Variants in MYO1C observed in about 807,000 individuals in gnomAD.
MYO1C encodes the protein unconventional myosin-Ic.
MYO1C carries 104 observed loss-of-function variants against 150.8 expected under a neutral mutation model. The observed-to-expected ratio is 0.69, with a 90% CI of 0.59 to 0.81. The LOEUF (loss-of-function observed/expected upper bound fraction) is 0.81. Among genes scored for constraint, MYO1C ranks in the 30% least tolerant of loss-of-function variants. MYO1C has a pLI of 0.00. For missense variants in MYO1C, 1,504 were observed against 1,435.0 expected, an observed-to-expected ratio of 1.05 and a Z score of -0.78; for synonymous variants, 663 against 579.9, an observed-to-expected ratio of 1.14 and a Z score of -2.06.
intron 14 of MYO1C, among the ~76,000 whole-genome samples, chr17:1,476,987 T>C (rs527930422): frequency 2.0e-5 from 3 of 151,640 alleles, no homozygotes; most frequent in Non-Finnish European, 4.4e-5. Flanking sequence ...TATAGGCACC[T>C]GCCACCACAC....
intron 14 of MYO1C, among the ~76,000 whole-genome samples, chr17:1,477,132 C>G (rs568934100): frequency 6.6e-6 from 1 of 152,194 alleles, no homozygotes; most frequent in Non-Finnish European, 1.5e-5. Flanking sequence ...AGCCACTGCA[C>G]CTGGCCTTCT....
Position 1,484,226 on chromosome 17 carries a change from G to A in MYO1C, c.153C>T (p.Phe51=), listed in dbSNP as rs545362091. The change falls in exon 2 of 32, where the codon TTC becomes TTT. Residue 51 remains phenylalanine (F), a synonymous_variant. Transcript: ENST00000648651. ...TARDRVGVQD[F]VLLENFTSEA... is the part of the protein sequence containing the mutation. ...CGCTGGTGAAGTTCTCCAGCAGCAC[G>A]AAATCCTGCACCCCCACCCGGTCAC... is the stretch of plus-strand genomic sequence containing the variant. The A allele has an allele frequency of 2.5e-5, 41 of 1,612,906 alleles. 1 individual carries two copies. In the South Asian group the frequency reaches 3.5e-4, roughly 14 times the overall value.
At position 1,465,108 on chromosome 17, in the gene MYO1C, A is replaced by G. The variant is rs569698386; in HGVS notation, c.*618T>C. 1 of 152,526 alleles carries G rather than the reference A, an allele frequency of 6.6e-6. No homozygotes were observed. The highest frequency in any genetic ancestry group is 1.5e-5 in the Non-Finnish European group (1 of 68,078). 9.4% of individuals were successfully genotyped at this position (152,526 alleles called of 1,614,324 possible). ...GTTACAGGCGTGAGCCACCATGCCC[A>G]GCCTAAAAGGACATTCTTAAGGCAG... is the stretch of plus-strand genomic sequence containing the variant. On this transcript the variant is annotated 3_prime_UTR_variant, in exon 32 of 32. Coordinates refer to ENST00000648651, the MANE Select transcript of MYO1C (RefSeq NM_001080779.2).
intron 1 of MYO1C, among the ~76,000 whole-genome samples, chr17:1,490,035 C>CAAAA (rs368349826): frequency 9.6e-6 from 1 of 104,530 alleles, no homozygotes; most frequent in African/African-American, 3.6e-5. Flanking sequence ...GACACTGTCT[C>CAAAA]AAAAAAAAAA....
chr17:1,478,217 A>G lies in MYO1C; in HGVS notation c.1296-25T>C. On this transcript the variant is annotated intron_variant, in intron 11 of 31. Transcript: ENST00000648651. The surrounding 1 kb of genome is among the most constrained non-coding windows in gnomAD (Gnocchi z 6.3). ...GCTGTAAGGAAGGAGAAGAGCCCAC[A>G]GTGGCTCAGTGGGGACACAGGACCA... The G allele has an allele frequency of 1.2e-6, 2 of 1,605,730 alleles. No homozygotes were observed. The highest frequency in any genetic ancestry group is 8.5e-7 in the Non-Finnish European group (1 of 1,173,174).
intron 14 of MYO1C, among the ~76,000 whole-genome samples, chr17:1,475,552 A>G (rs1189951101): frequency 6.6e-6 from 1 of 152,218 alleles, no homozygotes; most frequent in Non-Finnish European, 1.5e-5. Flanking sequence ...CCTGACGGCC[A>G]GGGTACGCTG....
chr17:1,491,482 T>G, intron 1 of MYO1C: 4 of 261,928 alleles, frequency 1.5e-5, no homozygotes, highest in Non-Finnish European at 2.3e-5. Context: ...GCGGCCGTTC[T>G]TCGGCCCCAG....
rs552357788 is a variant in MYO1C at position 1,480,493 on chromosome 17, A to T, written c.906+34T>A. 3.0e-5 allele frequency: 46 copies of T among 1,540,428 alleles called. 1 individual carries two copies. In the African/African-American group the frequency reaches 6.0e-4, roughly 20 times the overall value. ...AAAAAGGAGATTTTGGGGGTGTGAC[A>T]GGAGGAAAGCGAGGGTCCCGGAAGA... is the stretch of plus-strand genomic sequence containing the variant. On this transcript the variant is annotated intron_variant, in intron 7 of 31. Transcript: ENST00000648651.
Position 1,468,061 on chromosome 17 carries a change from C to T in MYO1C, c.2823G>A (p.Leu941=). Residue 941 remains leucine, a synonymous_variant, in exon 28 of 32, where the codon CTG becomes CTA. Coordinates refer to ENST00000648651, the MANE Select transcript of MYO1C (RefSeq NM_001080779.2). The stretch of plus-strand genomic sequence containing the variant: ...CGATGACGACGGCGTTGGGCGTGAG[C>T]AGCAGCTGCCGGGAGCGAGGCTTGT... ...KGYKPRSRQL[L]LTPNAVVIVE... The T allele has an allele frequency of 6.2e-7, 1 of 1,613,406 alleles. No homozygotes were observed. Among genetic ancestry groups the T allele is most frequent in the Non-Finnish European group, 8.5e-7 (1 of 1,179,960 alleles).
At chr17:1,486,604 C>T (rs1484055087) in intron 1 of MYO1C, among the ~76,000 whole-genome samples, 3 of 152,050 alleles carry the variant, frequency 2.0e-5, no homozygotes, top group African/African-American at 4.8e-5. Flanking sequence ...CAACCTCTGC[C>T]TCCCGGGTTC....
At chr17:1,468,890 C>T (rs1054714595) in intron 25 of MYO1C, 4 of 346,048 alleles carry the variant, frequency 1.2e-5, no homozygotes, top group African/African-American at 8.5e-5. Context: ...CACGGCACAT[C>T]AACCAATGCC....
intron 24 of MYO1C, 75 bp from the exon 25 acceptor site, chr17:1,469,689 T>G (rs2074258566): frequency 8.2e-7 from 1 of 1,212,860 alleles, no homozygotes; most frequent in Non-Finnish European, 1.2e-6. Flanking sequence ...CATATGCTAC[T>G]GCATCCTTTG....
rs8079811 is a variant in MYO1C, at chr17:1,468,179, C to G, written c.2761-56G>C. On this transcript the variant is annotated intron_variant, in intron 27 of 31. Coordinates refer to ENST00000648651, the MANE Select transcript of MYO1C (RefSeq NM_001080779.2). ...GGGAGAGGCTCCCAAGGCTCCGCCC[C>G]TGCCCTGACCTGCCTTCAGCTCTCA... 1,045,677 of 1,610,052 alleles carry G rather than the reference C, an allele frequency of 0.65. 342,592 individuals are homozygous for G. Among genetic ancestry groups the G allele is most frequent in the African/African-American group, 0.82 (61,737 of 74,952 alleles).
At chr17:1,482,385 C>G (rs1192503417) in intron 5 of MYO1C, 93 bp downstream of exon 5, 4 of 1,145,206 alleles carry the variant, frequency 3.5e-6, no homozygotes, top group Non-Finnish European at 5.3e-6. Context: ...GCTGGAATTG[C>G]AGCACCTGGA....
chr17:1,489,257 T>A (rs1210421786), intron 1 of MYO1C, among the ~76,000 whole-genome samples: 2 of 152,182 alleles, frequency 1.3e-5, no homozygotes, highest in Non-Finnish European at 2.9e-5. Context: ...GGGGAGGAGA[T>A]AGTGGCGACT....
At chr17:1,488,549 A>G (rs2074694549) in intron 1 of MYO1C, among the ~76,000 whole-genome samples, 1 of 152,170 alleles carries the variant, frequency 6.6e-6, no homozygotes, top group African/African-American at 2.4e-5. Context: ...ATGCAGAAGA[A>G]CTTGAGGCTG....
Position 1,471,888 on chromosome 17 carries a change from G to C in MYO1C, c.2021+19C>G. The C allele has an allele frequency of 6.2e-7, 1 of 1,612,080 alleles. No homozygotes were observed. Among genetic ancestry groups the C allele is most frequent in the South Asian group, 1.1e-5 (1 of 91,008 alleles). ...CCTCCCGCTCCCCTTCCCTGGCACC[G>C]AGCAGGACCTGCCCCCACCTTTGCA... On this transcript the variant is annotated intron_variant, in intron 19 of 31. Coordinates refer to ENST00000648651, the MANE Select transcript of MYO1C (RefSeq NM_001080779.2).
Position 1,471,999 on chromosome 17 carries a change from G to GCGGATCAGCACCT in MYO1C, c.1916_1928dup (p.His644GlyfsTer203). 6.2e-7 allele frequency: 1 copy of GCGGATCAGCACCT among 1,614,074 alleles called. No homozygotes were observed. The highest frequency in any genetic ancestry group is 1.3e-5 in the African/African-American group (1 of 75,064). ...ACAGCCCCAGGTACTTCACCTGGTG[G>GCGGATCAGCACCT]CGGATCAGCACCTCGTCAAAGCGGC... On this transcript the variant is annotated frameshift_variant, in exon 19 of 32. Coordinates refer to ENST00000648651, the MANE Select transcript of MYO1C (RefSeq NM_001080779.2). LOFTEE classifies it high-confidence loss of function.
In MYO1C at chr17:1,484,161, T is replaced by C. The variant is rs1349539255; in HGVS notation, c.218A>G (p.Glu73Gly). 1.2e-6 allele frequency: 2 copies of C among 1,612,906 alleles called. No individual in the cohort carries two copies. Among genetic ancestry groups the C allele is most frequent in the South Asian group, 1.1e-5 (1 of 91,076 alleles). ...CAAGGGCCTCACGTAGATGAGATTC[T>C]CCCGAAATCGCCGCCGCAGGTTCTC... ...FIENLRRRFR[E>G]NLIYTYIGPV... The change falls in exon 2 of 32, where the codon GAG becomes GGG. Residue 73 changes from glutamate to glycine, a missense_variant. Glu to Gly is a moderately conservative substitution (Grantham distance 98). Coordinates refer to ENST00000648651, the MANE Select transcript of MYO1C (RefSeq NM_001080779.2).
Sources: allele counts gnomAD v4.1 joint callset (sites outside exome capture counted in the v4.1 genomes callset), GRCh38; gene constraint gnomAD v4.1.1; non-coding constraint Gnocchi (gnomAD v3.1); transcripts MANE v1.5; gene names NCBI Gene and HGNC (gene_info 2026-07-23, HGNC 2026-07-21).